The following RBKS variants were observed in gnomAD, a reference collection of about 807,000 sequenced individuals.
RBKS encodes the protein ribokinase.
Under a neutral mutation model 33.9 loss-of-function variants are expected in RBKS, and 33 were observed. The observed-to-expected ratio is 0.97, with a 90% CI of 0.74 to 1.30. The LOEUF is 1.30. Among genes scored for constraint, RBKS ranks in the 50% most tolerant of loss-of-function variants. RBKS has a pLI of 0.00. For synonymous variants in RBKS, 125 were observed against 143.0 expected (o/e 0.87, Z 0.90); for missense variants, 361 against 392.6 (o/e 0.92, Z 0.68).
chr2:27,869,377 C>T (rs1664159185), intron 1 of RBKS, among the ~76,000 whole-genome samples: 1 of 152,116 alleles, frequency 6.6e-6, no homozygotes, highest in South Asian at 2.1e-4. Context: ...TCTTCTTAAA[C>T]CCGAGTGCAG....
At chr2:27,855,700 T>C (rs1259584364) in intron 2 of RBKS, among the ~76,000 whole-genome samples, 1 of 152,248 alleles carries the variant, frequency 6.6e-6, no homozygotes, top group Non-Finnish European at 1.5e-5. Flanking sequence ...AACTCTTAAG[T>C]ACTTGAAGTG....
intron 6 of RBKS, among the ~76,000 whole-genome samples, chr2:27,829,731 T>C (rs1443418591): frequency 1.3e-5 from 2 of 152,188 alleles, no homozygotes; most frequent in Admixed American, 6.5e-5. Flanking sequence ...CCAGGTATTA[T>C]ATTGGCAATA....
intron 7 of RBKS, among the ~76,000 whole-genome samples, chr2:27,798,561 A>G (rs1468559344): frequency 1.3e-5 from 2 of 151,984 alleles, no homozygotes; most frequent in Non-Finnish European, 2.9e-5. Context: ...AGTAATGTTC[A>G]CATCACCTCA....
At chr2:27,794,843 C>A (rs866809651) in intron 7 of RBKS, among the ~76,000 whole-genome samples, 4 of 152,248 alleles carry the variant, frequency 2.6e-5, no homozygotes, top group Middle Eastern at 3.4e-3. Flanking sequence ...AGGCTGGTCT[C>A]AAACTCCTGA....
intron 1 of RBKS, among the ~76,000 whole-genome samples, chr2:27,884,447 A>G (rs1434541823): frequency 1.3e-5 from 2 of 152,018 alleles, no homozygotes; most frequent in Admixed American, 6.6e-5. Flanking sequence ...GGGTTTTGCC[A>G]TGTTGCCCAG....
chr2:27,842,038 C>G (rs546612871), intron 5 of RBKS, among the ~76,000 whole-genome samples: 5 of 152,062 alleles, frequency 3.3e-5, no homozygotes, highest in African/African-American at 1.2e-4. Context: ...TTATTCCATC[C>G]TGAGAACAAT....
intron 7 of RBKS, 58 bp from the exon 8 acceptor site, chr2:27,781,846 G>T: frequency 3.6e-6 from 5 of 1,406,964 alleles, no homozygotes; most frequent in South Asian, 2.7e-5. Context: ...TGCCCAAACT[G>T]CATATTTTAA....
At chr2:27,883,074 T>G (rs1664449519) in intron 1 of RBKS, among the ~76,000 whole-genome samples, 6 of 151,990 alleles carry the variant, frequency 3.9e-5, no homozygotes, top group Admixed American at 3.9e-4. Context: ...AACCTGCACA[T>G]GTACCTCTGA....
intron 7 of RBKS, among the ~76,000 whole-genome samples, chr2:27,801,993 T>TATATATA (rs1491282690): frequency 8.0e-5 from 4 of 49,756 alleles, no homozygotes; most frequent in African/African-American, 2.8e-4. Context: ...TATATATATA[T>TATATATA]TTTTTTTTTT....
chr2:27,852,645 C>G (rs1663773646), intron 2 of RBKS, among the ~76,000 whole-genome samples: 1 of 152,184 alleles, frequency 6.6e-6, no homozygotes, highest in South Asian at 2.1e-4. Context: ...AATTCTACTC[C>G]TCAACATACA....
chr2:27,869,614 C>T (rs1195026274), intron 1 of RBKS, among the ~76,000 whole-genome samples: 1 of 152,198 alleles, frequency 6.6e-6, no homozygotes, highest in Non-Finnish European at 1.5e-5. Flanking sequence ...GATCCAAGCA[C>T]ATTCCATTTA....
chr2:27,791,104 C>T (rs918479496), intron 7 of RBKS, among the ~76,000 whole-genome samples: 3 of 152,154 alleles, frequency 2.0e-5, no homozygotes, highest in Non-Finnish European at 4.4e-5. Context: ...ATGGAAGGAA[C>T]TGCTGATAAA....
rs1331511694 is a variant in RBKS at position 27,801,954 on chromosome 2, A to G, written c.796-20166T>C. On this transcript the variant is annotated intron_variant, in intron 7 of 7. Transcript: ENST00000302188. ...TCAGTTTCCCGAGTAGCTGGGGAAA[A>G]AAAAAAAAAATATATATATATATAT... Among the ~76,000 whole-genome samples the G allele has an allele frequency of 1.3e-4, 7 of 52,522 alleles. No individual in the cohort carries two copies. In the South Asian group the frequency reaches 5.5e-3, roughly 41 times the overall value. 34.5% of individuals were successfully genotyped at this position (52,522 alleles called of 152,430 possible).
At chr2:27,796,622 C>T (rs1411448471) in intron 7 of RBKS, among the ~76,000 whole-genome samples, 1 of 152,030 alleles carries the variant, frequency 6.6e-6, no homozygotes, top group East Asian at 1.9e-4. Flanking sequence ...GAAAACTGGC[C>T]CCATGGAATA....
intron 7 of RBKS, among the ~76,000 whole-genome samples, chr2:27,805,361 C>G (rs1024288856): frequency 1.3e-5 from 2 of 152,164 alleles, no homozygotes; most frequent in Non-Finnish European, 2.9e-5. Context: ...GCAATGAGCA[C>G]TGAGCTTCCT....
At chr2:27,850,967 A>G (rs899309057) in intron 2 of RBKS, among the ~76,000 whole-genome samples, 5 of 152,196 alleles carry the variant, frequency 3.3e-5, no homozygotes, top group Non-Finnish European at 7.3e-5. Context: ...TAAAGTGCTC[A>G]TAGACTCTTG....
rs554568603 is a variant in RBKS at position 27,790,018 on chromosome 2, T to G, written c.796-8230A>C. Among the ~76,000 whole-genome samples, 603 of 138,884 alleles carry G rather than the reference T, an allele frequency of 4.3e-3. 6 individuals are homozygous for G. Among genetic ancestry groups the G allele is most frequent in the South Asian group, 0.043 (193 of 4,450 alleles). 91.1% of individuals were successfully genotyped at this position (138,884 alleles called of 152,430 possible). ...AGAGAGAGAGAGAGAGAGAGAGAGA[T>G]GTGGTTTCACCATGTTGCCCAGGCT... On this transcript the variant is annotated intron_variant, in intron 7 of 7. Transcript: ENST00000302188.
At chr2:27,838,856 A>G (rs191789374) in intron 5 of RBKS, among the ~76,000 whole-genome samples, 44 of 152,336 alleles carry the variant, frequency 2.9e-4, no homozygotes, top group African/African-American at 1.1e-3. Context: ...CTAAACTCCT[A>G]GTTATCTTAA....
chr2:27,849,198 AATTTT>A (rs1187923211), intron 2 of RBKS, among the ~76,000 whole-genome samples: 1 of 152,128 alleles, frequency 6.6e-6, no homozygotes, highest in Admixed American at 6.5e-5. Context: ...TCTTTTTAAA[AATTTT>A]ATTTTATTTT....
Sources: allele counts gnomAD v4.1 joint callset (sites outside exome capture counted in the v4.1 genomes callset), GRCh38; gene constraint gnomAD v4.1.1; transcripts MANE v1.5; gene names NCBI Gene and HGNC (gene_info 2026-07-23, HGNC 2026-07-21).